AKAP6: variants seen among roughly 807,000 people sequenced by gnomAD.
AKAP6 encodes the protein A-kinase anchoring protein 6, also known as A-kinase anchor protein 6.
Under a neutral mutation model 188.5 loss-of-function variants are expected in AKAP6, and 58 were observed. That is an observed-to-expected ratio of 0.31 (90% CI 0.25 to 0.38). The LOEUF is 0.38. Among genes scored for constraint, AKAP6 ranks in the 10% least tolerant of loss-of-function variants. The pLI is 1.00. For missense variants in AKAP6, 2,710 were observed against 2,740.0 expected, an observed-to-expected ratio of 0.99 and a Z score of 0.24; for synonymous variants, 989 against 998.6, an observed-to-expected ratio of 0.99 and a Z score of 0.18.
chr14:32,385,688 C>T (rs748594108), intron 1 of AKAP6, among the ~76,000 whole-genome samples: 78 of 151,576 alleles, frequency 5.1e-4, no homozygotes, highest in Admixed American at 1.1e-3. Flanking sequence ...AGTTACTTCA[C>T]TTAGAATTAT....
At chr14:32,374,089 G>A (rs1888089668) in intron 1 of AKAP6, among the ~76,000 whole-genome samples, 1 of 152,152 alleles carries the variant, frequency 6.6e-6, no homozygotes, top group Non-Finnish European at 1.5e-5. Flanking sequence ...TTTGCGTAAG[G>A]AATAGCATAC....
At chr14:32,534,983 A>C (rs367586771) in intron 2 of AKAP6, among the ~76,000 whole-genome samples, 195 of 140,852 alleles carry the variant, frequency 1.4e-3, no homozygotes, top group African/African-American at 5.6e-3. Flanking sequence ...AAAAACAAAA[A>C]CAAACCAAAA....
At chr14:32,817,072 A>G (rs2034396618) in intron 12 of AKAP6, among the ~76,000 whole-genome samples, 1 of 152,124 alleles carries the variant, frequency 6.6e-6, no homozygotes, top group African/African-American at 2.4e-5. Flanking sequence ...GGCTACATCA[A>G]TTCTCTATTA....
chr14:32,356,217 A>G (rs958471254), intron 1 of AKAP6, among the ~76,000 whole-genome samples: 4 of 152,208 alleles, frequency 2.6e-5, no homozygotes, highest in Admixed American at 2.6e-4. Flanking sequence ...AATTCTATCC[A>G]TAGAATCCTC....
At position 32,333,231 on chromosome 14, in the gene AKAP6, A is replaced by T. The variant is rs142125430; in HGVS notation, c.-35+3823A>T. ...TGACTACAGGAGTTAGGTTCCAATT[A>T]GGAAATAAAATAGCCAGTGGAATTT... On this transcript the variant is annotated intron_variant, in intron 1 of 13. Transcript: ENST00000280979. 3.1e-3 allele frequency among the ~76,000 whole-genome samples: 472 copies of T among 152,246 alleles called. 1 individual carries two copies. The highest frequency in any genetic ancestry group is 5.8e-3 in the Non-Finnish European group (396 of 67,992).
chr14:32,447,324 C>A (rs1017943343), intron 2 of AKAP6, among the ~76,000 whole-genome samples: 21 of 152,160 alleles, frequency 1.4e-4, no homozygotes, highest in Middle Eastern at 3.2e-3. Flanking sequence ...TATAAAATTG[C>A]AAATTCTATT....
intron 7 of AKAP6, among the ~76,000 whole-genome samples, chr14:32,633,609 C>G (rs912618617): frequency 3.3e-5 from 5 of 152,072 alleles, no homozygotes; most frequent in African/African-American, 1.2e-4. Context: ...TGGCTCTTTT[C>G]CTTCTGACAC....
At position 32,475,934 on chromosome 14, in the gene AKAP6, C is replaced by T. The variant is rs565942070; in HGVS notation, c.324+42117C>T. 4.1e-4 allele frequency among the ~76,000 whole-genome samples: 63 copies of T among 152,082 alleles called. 2 individuals carry two copies. The highest frequency in any genetic ancestry group is 4.2e-4 in the South Asian group (2 of 4,794). On this transcript the variant is annotated intron_variant, in intron 2 of 13. Coordinates refer to ENST00000280979, the MANE Select transcript of AKAP6 (RefSeq NM_004274.5). ...TCCTGACCTCATGATCCGCCCGCCT[C>T]GGCCTCCCAAAGTGCTGGGATTACA...
chr14:32,441,758 G>T (rs1357163387), intron 2 of AKAP6, among the ~76,000 whole-genome samples: 4 of 152,178 alleles, frequency 2.6e-5, no homozygotes, highest in African/African-American at 9.7e-5. Flanking sequence ...CAGTCTAACA[G>T]ATTGTATAGC....
At chr14:32,605,344 G>A (rs994613102) in intron 7 of AKAP6, among the ~76,000 whole-genome samples, 1 of 152,064 alleles carries the variant, frequency 6.6e-6, no homozygotes, top group African/African-American at 2.4e-5. Context: ...AAAATAATGG[G>A]CAGAGAGAAT....
chr14:32,634,792 T>C (rs2139465804), intron 7 of AKAP6, among the ~76,000 whole-genome samples: 2 of 152,180 alleles, frequency 1.3e-5, no homozygotes, highest in South Asian at 4.1e-4. Flanking sequence ...GACCTAAAAT[T>C]TGAAAGAATC....
intron 2 of AKAP6, among the ~76,000 whole-genome samples, chr14:32,501,224 A>G (rs1880595038): frequency 6.6e-6 from 1 of 152,206 alleles, no homozygotes; most frequent in African/African-American, 2.4e-5. Context: ...ATTATTAATA[A>G]ACAATTTCAA....
intron 4 of AKAP6, among the ~76,000 whole-genome samples, chr14:32,574,784 C>A (rs1884647987): frequency 6.6e-6 from 1 of 152,146 alleles, no homozygotes; most frequent in Non-Finnish European, 1.5e-5. Context: ...TTTTCATCTC[C>A]CATTTATAAA....
intron 12 of AKAP6, among the ~76,000 whole-genome samples, chr14:32,795,130 A>C (rs138929366): frequency 2.5e-3 from 382 of 152,308 alleles, no homozygotes; most frequent in African/African-American, 8.3e-3. Flanking sequence ...TCTGAAATTG[A>C]GGCAGTAATA....
chr14:32,533,490 T>G (rs1261403206), intron 2 of AKAP6, among the ~76,000 whole-genome samples: 1 of 152,076 alleles, frequency 6.6e-6, no homozygotes, highest in Non-Finnish European at 1.5e-5. Context: ...TTGGGCAGAA[T>G]CAGGTTTGGG....
chr14:32,510,426 A>ATG (rs1881157451), intron 2 of AKAP6, among the ~76,000 whole-genome samples: 2 of 69,640 alleles, frequency 2.9e-5, no homozygotes, highest in African/African-American at 1.4e-4. Flanking sequence ...ATATATATAC[A>ATG]TATATATATG....
intron 7 of AKAP6, among the ~76,000 whole-genome samples, chr14:32,626,237 T>C (rs1887017448): frequency 6.6e-6 from 1 of 152,112 alleles, no homozygotes; most frequent in Non-Finnish European, 1.5e-5. Context: ...TCTAAGTGTA[T>C]TCTGACTTGT....
intron 7 of AKAP6, among the ~76,000 whole-genome samples, chr14:32,653,626 C>A (rs962634249): frequency 1.5e-5 from 2 of 136,122 alleles, no homozygotes; most frequent in African/African-American, 5.2e-5. Flanking sequence ...TATTAATTAC[C>A]CAGTCTTAAG....
intron 7 of AKAP6, among the ~76,000 whole-genome samples, chr14:32,652,560 A>G (rs1467215752): frequency 2.0e-5 from 3 of 152,192 alleles, no homozygotes; most frequent in Non-Finnish European, 2.9e-5. Context: ...TTATAATCAT[A>G]TCAGATTAAA....
Sources: gnomAD v4.1 joint callset for allele counts (sites outside exome capture counted in the v4.1 genomes callset) on GRCh38, gnomAD v4.1.1 for gene constraint, MANE v1.5 for transcripts, NCBI Gene and HGNC (gene_info 2026-07-23, HGNC 2026-07-21) for gene names.